Variants in ASB5 observed in about 807,000 individuals in gnomAD.
ASB5 encodes the protein ankyrin repeat and SOCS box protein 5.
ASB5 carries 45 observed loss-of-function variants against 42.1 expected under a neutral mutation model. The ratio of observed to expected loss-of-function variants is 1.07; its 90% CI spans 0.84 to 1.37. The LOEUF (loss-of-function observed/expected upper bound fraction) is 1.37. Among genes scored for constraint, ASB5 ranks in the 40% most tolerant of loss-of-function variants. The pLI, the probability that ASB5 is intolerant of heterozygous loss-of-function variation, is 0.00. For synonymous variants in ASB5, 147 were observed against 150.6 expected, an observed-to-expected ratio of 0.98 and a Z score of 0.18; for missense variants, 402 against 399.8, an observed-to-expected ratio of 1.01 and a Z score of -0.05.
intron 5 of ASB5, among the ~76,000 whole-genome samples, chr4:176,219,105 T>C (rs1451270947): frequency 8.7e-6 from 1 of 114,510 alleles, no homozygotes; most frequent in Non-Finnish European, 1.6e-5. Context: ...TATAAATATA[T>C]ATATATATTT....
rs749505830 is a variant in ASB5, at chr4:176,217,009, C to T, written c.671G>A (p.Gly224Asp). The T allele has an allele frequency of 3.4e-5, 55 of 1,595,778 alleles. 1 individual carries two copies. In the East Asian group the frequency reaches 4.0e-4, roughly 12 times the overall value. The change falls in exon 6 of 7, where the codon GGT (glycine) becomes GAT (aspartate). Residue 224 changes from glycine (G) to aspartate (D), a missense_variant and splice_region_variant. Physicochemically the swap from Gly to Asp is moderately conservative, Grantham distance 94 (BLOSUM62 -1). Transcript: ENST00000296525. ...FHCIWKLLYA[G>D]ADVQKGKYWD... ...ATATTTGCCTTTCTGTACGTCAGCA[C>T]CTACATGTAATACGGAGTGAAGATA...
At chr4:176,231,147 A>C (rs1366064401) in intron 1 of ASB5, among the ~76,000 whole-genome samples, 1 of 152,156 alleles carries the variant, frequency 6.6e-6, no homozygotes, top group East Asian at 1.9e-4. Context: ...CGATTTTGTA[A>C]GGTTTGATAC....
chr4:176,270,035 T>C (rs1754439986), upstream of ASB5, among the ~76,000 whole-genome samples: 1 of 152,210 alleles, frequency 6.6e-6, no homozygotes, highest in Non-Finnish European at 1.5e-5. Flanking sequence ...AACCCAAATA[T>C]GTTTTATTCA....
At chr4:176,268,801 C>T (rs1315083168) in intron 1 of ASB5, 112 bp downstream of exon 1, 6 of 959,222 alleles carry the variant, frequency 6.3e-6, no homozygotes, top group African/African-American at 1.7e-5. Flanking sequence ...TTTCCCTTAA[C>T]AAAAGTTTAT....
intron 1 of ASB5, among the ~76,000 whole-genome samples, chr4:176,232,078 G>T (rs1435368535): frequency 1.3e-5 from 2 of 151,198 alleles, no homozygotes; most frequent in African/African-American, 4.9e-5. Flanking sequence ...AGTAAAAAAT[G>T]GCAATACCTT....
intron 1 of ASB5, among the ~76,000 whole-genome samples, chr4:176,253,016 G>A (rs943262014): frequency 2.0e-5 from 3 of 152,172 alleles, no homozygotes; most frequent in Non-Finnish European, 4.4e-5. Context: ...GTGAGGTAGG[G>A]CATGTTCAGG....
At chr4:176,225,450 G>T (rs752874706) in intron 1 of ASB5, 109 bp from the exon 2 acceptor site, 8 of 905,288 alleles carry the variant, frequency 8.8e-6, no homozygotes, top group Non-Finnish European at 1.4e-5. Context: ...CACACTCAGT[G>T]TTCAACAGGG....
rs2014312 is a variant in ASB5 at position 176,237,988 on chromosome 4, G to A, written c.197-12647C>T. Among the ~76,000 whole-genome samples the A allele has an allele frequency of 1.2e-3, 175 of 152,150 alleles. 1 individual carries two copies. In the East Asian group the frequency reaches 0.028, roughly 24 times the overall value. On this transcript the variant is annotated intron_variant, in intron 1 of 6. Transcript: ENST00000296525. The stretch of plus-strand genomic sequence containing the variant: ...TGTAATCCCAGCACCTTGGGAGGCC[G>A]AGGCAGGCAGATCACCTGAGGTCAG...
chr4:176,222,354 G>T lies in ASB5; in HGVS notation c.343C>A (p.His115Asn). ...TPLHEACLGD[H>N]VACARTLLEA... ...AGCAGAGTTCTGGCACATGCCACGT[G>T]ATCTCCAAGGCAGGCTTCGTGCAAT... The change falls in exon 3 of 7, where the codon CAC (histidine) becomes AAC (asparagine). Residue 115 changes from histidine to asparagine, a missense_variant. His to Asn is a moderately conservative substitution (Grantham distance 68). Transcript: ENST00000296525. 3 of 1,614,050 alleles carry T rather than the reference G, an allele frequency of 1.9e-6. No individual in the cohort carries two copies. Among genetic ancestry groups the T allele is most frequent in the Non-Finnish European group, 8.5e-7 (1 of 1,179,938 alleles).
chr4:176,256,739 G>A (rs931092494), intron 1 of ASB5, among the ~76,000 whole-genome samples: 1 of 152,096 alleles, frequency 6.6e-6, no homozygotes, highest in Non-Finnish European at 1.5e-5. Context: ...GGGAGTCTGA[G>A]ACCAGCCTGG....
chr4:176,273,991 C>G (rs1002850554), upstream of ASB5, among the ~76,000 whole-genome samples: 1 of 152,136 alleles, frequency 6.6e-6, no homozygotes, highest in Non-Finnish European at 1.5e-5. Context: ...TCCCGGCTCT[C>G]GAGAAGGTTA....
intron 1 of ASB5, among the ~76,000 whole-genome samples, chr4:176,247,056 G>T (rs1309393079): frequency 6.6e-6 from 1 of 151,996 alleles, no homozygotes. Context: ...TTGACAAACA[G>T]GTTGAAAATG....
In ASB5 at chr4:176,264,792, G is replaced by A. The variant is rs999750682; in HGVS notation, c.196+4121C>T. 3.3e-5 allele frequency among the ~76,000 whole-genome samples: 5 copies of A among 151,992 alleles called. No homozygotes were observed. The East Asian group carries it at 9.7e-4, about 29-fold the overall frequency. On this transcript the variant is annotated intron_variant, in intron 1 of 6. Transcript: ENST00000296525. Reference sequence around the variant, plus strand: ...TGTTAAAATGAAAAAAGTAATATGTGAAAATGTTACTCTAAGGTAACATTT... The same window carrying A: ...TGTTAAAATGAAAAAAGTAATATGTAAAAATGTTACTCTAAGGTAACATTT...
At position 176,214,955 on chromosome 4, in the gene ASB5, C is replaced by T. The variant is rs544118391; in HGVS notation, c.*645G>A. The T allele has an allele frequency of 6.8e-6, 1 of 146,890 alleles. No homozygotes were observed. The highest frequency in any genetic ancestry group is 2.0e-4 in the East Asian group (1 of 4,956). The allele number at this position is 146,890 out of a possible 1,614,324, so 9.1% of individuals were successfully genotyped here. A position where few individuals can be genotyped will look rare whatever the true frequency, so the allele number is the denominator to read the frequency against. ...CTCAGGGTGAGAGGGCAGTATTGAC[C>T]TTTCATCCTATCACTTTTCTGTAAC... On this transcript the variant is annotated 3_prime_UTR_variant, in exon 7 of 7. Coordinates refer to ENST00000296525, the MANE Select transcript of ASB5 (RefSeq NM_080874.4).
intron 1 of ASB5, among the ~76,000 whole-genome samples, chr4:176,243,221 T>C (rs1362137154): frequency 6.6e-6 from 1 of 152,186 alleles, no homozygotes; most frequent in African/African-American, 2.4e-5. Context: ...CTCTTATAAA[T>C]GTTCAAAGTG....
intron 1 of ASB5, among the ~76,000 whole-genome samples, chr4:176,247,556 G>C (rs542191510): frequency 6.6e-6 from 1 of 152,170 alleles, no homozygotes; most frequent in Non-Finnish European, 1.5e-5. Context: ...ACTGGGCACT[G>C]TAGTGACTAT....
intron 1 of ASB5, chr4:176,241,390 T>C: frequency 3.9e-6 from 5 of 1,269,204 alleles, no homozygotes; most frequent in Non-Finnish European, 4.3e-6. Context: ...AAAATTACTA[T>C]TAAGGGCTCA....
intron 1 of ASB5, among the ~76,000 whole-genome samples, chr4:176,244,750 C>CA (rs1199945460): frequency 4.6e-5 from 7 of 151,934 alleles, no homozygotes; most frequent in Non-Finnish European, 1.0e-4. Flanking sequence ...CCCATCTCTA[C>CA]AAAAAAATAA....
At chr4:176,230,291 A>G (rs951307190) in intron 1 of ASB5, among the ~76,000 whole-genome samples, 3 of 152,190 alleles carry the variant, frequency 2.0e-5, no homozygotes, top group Non-Finnish European at 2.9e-5. Context: ...AATAAACAAC[A>G]TCATTTATTG....
Sources: allele counts gnomAD v4.1 joint callset (sites outside exome capture counted in the v4.1 genomes callset), GRCh38; gene constraint gnomAD v4.1.1; transcripts MANE v1.5; gene names NCBI Gene and HGNC (gene_info 2026-07-23, HGNC 2026-07-21).